The following CHSY1 variants were observed in gnomAD, a reference collection of about 807,000 sequenced individuals.
The protein encoded by CHSY1 is chondroitin sulfate synthase 1, also known as N-acetylgalactosaminyl-proteoglycan 3-beta-glucuronosyltransferase 1.
A neutral mutation model predicts 59.8 loss-of-function variants in CHSY1; 13 were observed. The observed-to-expected ratio is 0.22, with a 90% CI of 0.14 to 0.35. CHSY1 has a LOEUF of 0.35. Among genes scored for constraint, CHSY1 ranks in the 10% least tolerant of loss-of-function variants. CHSY1 has a pLI of 1.00. For missense variants in CHSY1, 947 were observed against 1,030.6 expected (o/e 0.92, Z 1.11); for synonymous variants, 459 against 401.2 (o/e 1.14, Z -1.72).
In CHSY1 at chr15:101,235,492, G is replaced by A; in HGVS notation, c.406C>T (p.Leu136=). 1 of 1,614,114 alleles carries A rather than the reference G, an allele frequency of 6.2e-7. No homozygotes were observed. The highest frequency in any genetic ancestry group is 8.5e-7 in the Non-Finnish European group (1 of 1,180,018). ...GGGTAGGAGTCGTCCACACCCCGTAGTGGCACTACTGGAATTGGTACAGAT... is the reference window on the plus strand; with the variant it reads ...GGGTAGGAGTCGTCCACACCCCGTAATGGCACTACTGGAATTGGTACAGAT... ...DTSVPIPVVP[L]RGVDDSYPPQ... is the part of the protein sequence containing the mutation. Residue 136 remains leucine, a synonymous_variant, in exon 2 of 3, where the codon CTA becomes TTA. Coordinates refer to ENST00000254190, the MANE Select transcript of CHSY1 (RefSeq NM_014918.5).
At chr15:101,226,519 T>C (rs2038843419) in intron 2 of CHSY1, among the ~76,000 whole-genome samples, 1 of 152,132 alleles carries the variant, frequency 6.6e-6, no homozygotes. Context: ...CCCAAACCAA[T>C]GTCCTCAGCA....
chr15:101,242,826 G>A (rs2039015341), intron 1 of CHSY1, among the ~76,000 whole-genome samples: 1 of 152,174 alleles, frequency 6.6e-6, no homozygotes, highest in South Asian at 2.1e-4. Context: ...CTGTGCATGT[G>A]GTTTCCGGGT....
chr15:101,201,804 G>A (rs572818821), intron 2 of CHSY1, among the ~76,000 whole-genome samples: 1 of 152,304 alleles, frequency 6.6e-6, no homozygotes, highest in African/African-American at 2.4e-5. Flanking sequence ...TGGAAAGGAA[G>A]GCTGTTACCT....
At chr15:101,207,350 C>G (rs185149009) in intron 2 of CHSY1, among the ~76,000 whole-genome samples, 136 of 152,370 alleles carry the variant, frequency 8.9e-4, no homozygotes, top group African/African-American at 2.8e-3. Flanking sequence ...GTCTTCACTT[C>G]GCCAACTAAC....
At chr15:101,199,374 G>A (rs1404572767) in intron 2 of CHSY1, among the ~76,000 whole-genome samples, 3 of 152,146 alleles carry the variant, frequency 2.0e-5, no homozygotes, top group African/African-American at 4.8e-5. Flanking sequence ...GTGGTAGCAC[G>A]CGCCTGTAGT....
chr15:101,229,223 T>C (rs543687339), intron 2 of CHSY1, among the ~76,000 whole-genome samples: 7 of 152,344 alleles, frequency 4.6e-5, no homozygotes, highest in African/African-American at 1.7e-4. Flanking sequence ...TATCAGTAAT[T>C]ATATTAAATG....
At chr15:101,251,062 GC>G in intron 1 of CHSY1, 74 bp downstream of exon 1, 1 of 1,402,282 alleles carries the variant, frequency 7.1e-7, no homozygotes, top group Non-Finnish European at 9.7e-7. Context: ...GGAGGCGAGA[GC>G]CAGGAGAGCA....
intron 2 of CHSY1, among the ~76,000 whole-genome samples, chr15:101,234,529 T>C (rs1476522010): frequency 6.6e-6 from 1 of 152,192 alleles, no homozygotes; most frequent in Non-Finnish European, 1.5e-5. Flanking sequence ...CATTATCTTT[T>C]CTTTAGGCCC....
Position 101,177,111 on chromosome 15 carries a change from C to G in CHSY1, c.*277G>C, listed in dbSNP as rs1315067565. Reference sequence around the variant, plus strand: ...CTGCCATAGGACTGGAGCAAAGGGTCTCAAAAGAAAACATTTTTTTAAAAA... The same window carrying G: ...CTGCCATAGGACTGGAGCAAAGGGTGTCAAAAGAAAACATTTTTTTAAAAA... On this transcript the variant is annotated 3_prime_UTR_variant, in exon 3 of 3. Coordinates refer to ENST00000254190, the MANE Select transcript of CHSY1 (RefSeq NM_014918.5). 1 of 332,784 alleles carries G rather than the reference C, an allele frequency of 3.0e-6. No homozygotes were observed. Among genetic ancestry groups the G allele is most frequent in the East Asian group, 5.8e-5 (1 of 17,118 alleles). The allele number at this position is 332,784 out of a possible 1,614,324, so 20.6% of individuals were successfully genotyped here. A position where few individuals can be genotyped will look rare whatever the true frequency, so the allele number is the denominator to read the frequency against.
At chr15:101,228,241 T>A (rs2038860021) in intron 2 of CHSY1, among the ~76,000 whole-genome samples, 2 of 148,530 alleles carry the variant, frequency 1.3e-5, no homozygotes, top group African/African-American at 2.5e-5. Context: ...AAAACAGGAG[T>A]AAAAATGAGT....
chr15:101,214,136 G>T (rs139719314), intron 2 of CHSY1, among the ~76,000 whole-genome samples: 29 of 152,298 alleles, frequency 1.9e-4, no homozygotes, highest in Middle Eastern at 3.4e-3. Flanking sequence ...CTGTTTCTGT[G>T]CTGTGTACAG....
At chr15:101,207,405 C>T (rs892757237) in intron 2 of CHSY1, among the ~76,000 whole-genome samples, 2 of 152,234 alleles carry the variant, frequency 1.3e-5, no homozygotes, top group Non-Finnish European at 2.9e-5. Context: ...AGAACCAACT[C>T]ATGATGCTGG....
chr15:101,217,834 C>T (rs2038749891), intron 2 of CHSY1, among the ~76,000 whole-genome samples: 1 of 152,144 alleles, frequency 6.6e-6, no homozygotes, highest in South Asian at 2.1e-4. Flanking sequence ...GTGTAACTCC[C>T]CACCCGTAAG....
intron 2 of CHSY1, among the ~76,000 whole-genome samples, chr15:101,190,400 C>T (rs1017027001): frequency 3.9e-5 from 6 of 152,166 alleles, no homozygotes; most frequent in African/African-American, 1.2e-4. Flanking sequence ...GGCTTTTCAA[C>T]CCTTGGGGCT....
In CHSY1 at chr15:101,178,480, C is replaced by T; in HGVS notation, c.1317G>A (p.Val439=). The T allele has an allele frequency of 6.2e-7, 1 of 1,614,232 alleles. No individual in the cohort carries two copies. The highest frequency in any genetic ancestry group is 8.5e-7 in the Non-Finnish European group (1 of 1,180,046). ...FKEIQYGYRR[V]NPMYGAEYIL... ...TGTACTCAGCCCCATACATGGGGTT[C>T]ACCCGGCGGTAGCCGTACTGGATCT... The change falls in exon 3 of 3, where the codon GTG becomes GTA. Residue 439 remains valine, a synonymous_variant. Coordinates refer to ENST00000254190, the MANE Select transcript of CHSY1 (RefSeq NM_014918.5).
chr15:101,232,662 A>G (rs959658039), intron 2 of CHSY1, among the ~76,000 whole-genome samples: 1 of 152,246 alleles, frequency 6.6e-6, no homozygotes, highest in Non-Finnish European at 1.5e-5. Context: ...TTTGCGTACA[A>G]TAAAAATCCC....
At chr15:101,213,969 A>G (rs1395985656) in intron 2 of CHSY1, among the ~76,000 whole-genome samples, 6 of 152,232 alleles carry the variant, frequency 3.9e-5, no homozygotes, top group African/African-American at 1.4e-4. Context: ...CCTCCAATGA[A>G]AACTGGCTCC....
At chr15:101,243,620 G>C (rs1479847544) in intron 1 of CHSY1, among the ~76,000 whole-genome samples, 1 of 152,178 alleles carries the variant, frequency 6.6e-6, no homozygotes, top group African/African-American at 2.4e-5. Flanking sequence ...CACTGCTAAG[G>C]CTGAACAAAC....
Position 101,218,218 on chromosome 15 carries a change from T to C in CHSY1, c.816+16864A>G, listed in dbSNP as rs771569349. Among the ~76,000 whole-genome samples, 57 of 152,200 alleles carry C rather than the reference T, an allele frequency of 3.7e-4. 1 individual carries two copies. Among genetic ancestry groups the C allele is most frequent in the Non-Finnish European group, 4.4e-5 (3 of 68,026 alleles). Reference sequence around the variant, plus strand: ...AGGCGACAGGAGAAGCCTGGAGATATGACAATAGAAAAAAGACAGCAGGTC... The same window carrying C: ...AGGCGACAGGAGAAGCCTGGAGATACGACAATAGAAAAAAGACAGCAGGTC... On this transcript the variant is annotated intron_variant, in intron 2 of 2. Coordinates refer to ENST00000254190, the MANE Select transcript of CHSY1 (RefSeq NM_014918.5).
Sources: allele counts gnomAD v4.1 joint callset (sites outside exome capture counted in the v4.1 genomes callset), GRCh38; gene constraint gnomAD v4.1.1; transcripts MANE v1.5; gene names NCBI Gene and HGNC (gene_info 2026-07-23, HGNC 2026-07-21).